The following TSPEAR variants were observed in gnomAD, a reference collection of about 807,000 sequenced individuals.
TSPEAR encodes the protein thrombospondin-type laminin G domain and EAR repeat-containing protein.
A neutral mutation model predicts 71.6 loss-of-function variants in TSPEAR; 69 were observed. That is an observed-to-expected ratio of 0.96 (90% confidence interval 0.79 to 1.18). The LOEUF (loss-of-function observed/expected upper bound fraction) is 1.18. Among genes scored for constraint, TSPEAR ranks in the 50% most tolerant of loss-of-function variants. The pLI is 0.00. For missense variants in TSPEAR, 971 were observed against 894.9 expected, an observed-to-expected ratio of 1.09 and a Z score of -1.09; for synonymous variants, 402 against 387.2, an observed-to-expected ratio of 1.04 and a Z score of -0.45.
chr21:44,570,654 G>A (rs1228859435), intron 1 of TSPEAR, among the ~76,000 whole-genome samples: 1 of 152,142 alleles, frequency 6.6e-6, no homozygotes, highest in Non-Finnish European at 1.5e-5. Context: ...AGAAACTAGA[G>A]AAAGATGAGG....
intron 1 of TSPEAR, among the ~76,000 whole-genome samples, chr21:44,699,264 C>T (rs1987535223): frequency 6.7e-6 from 1 of 150,064 alleles, no homozygotes; most frequent in African/African-American, 2.5e-5. Flanking sequence ...CCTGTAGTCC[C>T]AGCTACTCAG....
chr21:44,711,433 C>T lies in TSPEAR; in HGVS notation c.82G>A (p.Asp28Asn), dbSNP rs1047847005. Residue 28 changes from aspartate to asparagine, a missense_variant and splice_region_variant, in exon 1 of 12, where the codon GAC becomes AAC. Coordinates refer to ENST00000323084, the MANE Select transcript of TSPEAR (RefSeq NM_144991.3). The surrounding 1 kb of genome is among the most constrained non-coding windows in gnomAD (Gnocchi z 4.5). The stretch of plus-strand genomic sequence containing the variant: ...CCGAGTTCCCATGCCCCTGCCTTAC[C>T]TGTGCAGGGCTCCCAACCCTGCGTG... ...HGTQGWEPCT[D>N]LRPLDILAEV... 4 of 1,600,730 alleles carry T rather than the reference C, an allele frequency of 2.5e-6. No homozygotes were observed. Among genetic ancestry groups the T allele is most frequent in the South Asian group, 1.1e-5 (1 of 88,854 alleles).
At position 44,628,169 on chromosome 21, in the gene TSPEAR, C is replaced by T. The variant is rs374537620; in HGVS notation, c.83-60164G>A. 5.4e-5 allele frequency: 70 copies of T among 1,290,896 alleles called. No individual in the cohort carries two copies. The African/African-American group carries it at 7.0e-4, about 13-fold the overall frequency. The allele number at this position is 1,290,896 out of a possible 1,614,324, so 80.0% of individuals were successfully genotyped here. Reference sequence around the variant, plus strand: ...CAGAAGGAGCAGCCCCAGCCACAGCCGCCCAGCCCCGGGGTCTCAGATGCT... The same window carrying T: ...CAGAAGGAGCAGCCCCAGCCACAGCTGCCCAGCCCCGGGGTCTCAGATGCT... On this transcript the variant is annotated intron_variant, in intron 1 of 11. Transcript: ENST00000323084.
At chr21:44,616,534 C>A (rs1394566783) in intron 1 of TSPEAR, among the ~76,000 whole-genome samples, 1 of 152,234 alleles carries the variant, frequency 6.6e-6, no homozygotes, top group Non-Finnish European at 1.5e-5. Flanking sequence ...TCCTCCTCCT[C>A]CCTGCCAGGT....
At chr21:44,509,559 G>A (rs983824540) in intron 9 of TSPEAR, among the ~76,000 whole-genome samples, 173 bp from the exon 10 acceptor site, 13 of 148,292 alleles carry the variant, frequency 8.8e-5, no homozygotes, top group African/African-American at 2.3e-4. Flanking sequence ...GTGGGTGAGC[G>A]GGCGCAGAGG....
At chr21:44,505,807 G>A (rs587750045) in intron 10 of TSPEAR, among the ~76,000 whole-genome samples, 20 of 152,102 alleles carry the variant, frequency 1.3e-4, no homozygotes, top group African/African-American at 2.4e-4. Flanking sequence ...TTGTCCATCC[G>A]CTGACAGACA....
intron 2 of TSPEAR, chr21:44,540,256 G>A: frequency 6.5e-7 from 1 of 1,535,384 alleles, no homozygotes; most frequent in Admixed American, 1.8e-5. Context: ...GAGCTTCGTG[G>A]GGCTCTGCTT....
intron 1 of TSPEAR, among the ~76,000 whole-genome samples, chr21:44,648,704 C>G (rs9979226): frequency 0.02 from 3,058 of 152,274 alleles, 106 homozygotes; most frequent in African/African-American, 0.07. Context: ...AGGGCCGCAG[C>G]CTCCAGGGCA....
intron 10 of TSPEAR, 91 bp from the exon 11 acceptor site, chr21:44,504,972 G>A: frequency 1.0e-6 from 1 of 973,892 alleles, no homozygotes; most frequent in Non-Finnish European, 1.6e-6. Context: ...AATTTATAGA[G>A]GAGGAGCCGG....
chr21:44,521,407 T>C lies in TSPEAR; in HGVS notation c.1566+476A>G, dbSNP rs1401812652. ...GTGGCTGGAACCAGCCAAGGGACAC[T>C]TGAGGCCTGGAGAGGAGCGCCACGT... On this transcript the variant is annotated intron_variant, in intron 9 of 11. Coordinates refer to ENST00000323084, the MANE Select transcript of TSPEAR (RefSeq NM_144991.3). Among the ~76,000 whole-genome samples, 4 of 152,196 alleles carry C rather than the reference T, an allele frequency of 2.6e-5. No individual in the cohort carries two copies. In the East Asian group the frequency reaches 5.8e-4, roughly 22 times the overall value.
intron 2 of TSPEAR, chr21:44,540,318 G>GTTGC (rs1236755698): frequency 3.5e-6 from 4 of 1,155,310 alleles, no homozygotes; most frequent in Admixed American, 5.4e-5. Context: ...CCCCTTCCTG[G>GTTGC]TTGCTGAGAG....
In TSPEAR at chr21:44,612,061, C is replaced by T. The variant is rs73907052; in HGVS notation, c.83-44056G>A. The T allele has an allele frequency of 2.3e-3, 3,639 of 1,592,364 alleles. 72 individuals carry two copies. In the African/African-American group the frequency reaches 0.042, roughly 18 times the overall value. On this transcript the variant is annotated intron_variant, in intron 1 of 11. Coordinates refer to ENST00000323084, the MANE Select transcript of TSPEAR (RefSeq NM_144991.3). The surrounding 1 kb of genome is among the most constrained non-coding windows in gnomAD (Gnocchi z 4.1). The stretch of plus-strand genomic sequence containing the variant: ...CAGCCAGGGCACACAAACCCACACA[C>T]CTCACACCAGCACTCACACCACCCA...
intron 2 of TSPEAR, among the ~76,000 whole-genome samples, chr21:44,561,640 G>C (rs147447223): frequency 3.9e-4 from 60 of 152,268 alleles, no homozygotes; most frequent in South Asian, 1.4e-3. Flanking sequence ...CCACAATCAA[G>C]TCAGCTTCAT....
Position 44,567,958 on chromosome 21 carries a change from C to A in TSPEAR, c.130G>T (p.Ala44Ser). The A allele has an allele frequency of 6.4e-7, 1 of 1,574,042 alleles. No homozygotes were observed. The highest frequency in any genetic ancestry group is 1.2e-5 in the South Asian group (1 of 86,024). Residue 44 changes from alanine to serine, a missense_variant, in exon 2 of 12, where the codon GCC (alanine) becomes TCC (serine). Physicochemically the swap from Ala to Ser is moderately conservative, Grantham distance 99. Transcript: ENST00000323084. Reference sequence around the variant, plus strand: ...TGAACTATCCTGATCCCGCTTGTGGCGCCATCAGAAGGGACCACTTCCGCC... The same window carrying A: ...TGAACTATCCTGATCCCGCTTGTGGAGCCATCAGAAGGGACCACTTCCGCC... ...ILAEVVPSDG[A>S]TSGIRIVQVH...
At chr21:44,704,859 A>C (rs1987835496) in intron 1 of TSPEAR, among the ~76,000 whole-genome samples, 2 of 152,054 alleles carry the variant, frequency 1.3e-5, no homozygotes, top group African/African-American at 4.8e-5. Flanking sequence ...CGGACCCTGG[A>C]TGGAGCCCAG....
Position 44,572,973 on chromosome 21 carries a change from G to A in TSPEAR, c.83-4968C>T, listed in dbSNP as rs117617700. ...AAAGATAGCAGCAGCCCACAGGAGTGAGGGGAGCGGGGTGAGACAGTGCCC... is the reference window on the plus strand; with the variant it reads ...AAAGATAGCAGCAGCCCACAGGAGTAAGGGGAGCGGGGTGAGACAGTGCCC... On this transcript the variant is annotated intron_variant, in intron 1 of 11. Transcript: ENST00000323084. Among the ~76,000 whole-genome samples, 71 of 151,988 alleles carry A rather than the reference G, an allele frequency of 4.7e-4. 1 individual carries two copies. The East Asian group carries it at 0.011, about 23-fold the overall frequency.
intron 2 of TSPEAR, among the ~76,000 whole-genome samples, chr21:44,540,897 G>A (rs1555917163): frequency 6.6e-6 from 1 of 152,158 alleles, no homozygotes; most frequent in African/African-American, 2.4e-5. Context: ...CATGGATTTG[G>A]TTCTGCTCTT....
chr21:44,539,308 G>T (rs782021133), intron 2 of TSPEAR: 1 of 1,609,580 alleles, frequency 6.2e-7, no homozygotes, highest in Non-Finnish European at 8.5e-7. Flanking sequence ...GGCCTCAGCA[G>T]GCCGGGCGGG....
intron 1 of TSPEAR, chr21:44,676,928 T>C (rs1986340945): frequency 1.1e-6 from 1 of 879,368 alleles, no homozygotes; most frequent in South Asian, 1.3e-5. Context: ...GCACGGGCAA[T>C]CAGGGAGTTC....
Sources: allele counts gnomAD v4.1 joint callset (sites outside exome capture counted in the v4.1 genomes callset), GRCh38; gene constraint gnomAD v4.1.1; non-coding constraint Gnocchi (gnomAD v3.1); transcripts MANE v1.5; gene names NCBI Gene and HGNC (gene_info 2026-07-23, HGNC 2026-07-21).